The following ZNF670 variants were observed in gnomAD, a reference collection of about 807,000 sequenced individuals.
ZNF670 encodes zinc finger protein 670.
In ZNF670, 7 loss-of-function variants were observed where a neutral mutation model predicts 10.9. That is an observed-to-expected ratio of 0.64 (90% CI 0.36 to 1.20). ZNF670 has a LOEUF of 1.20. Ranked by LOEUF, ZNF670 falls within the 50% of genes most tolerant of loss-of-function variation. ZNF670 has a pLI of 0.02. For synonymous variants in ZNF670, 136 were observed against 152.7 expected (o/e 0.89, Z 0.81); for missense variants, 446 against 458.6 (o/e 0.97, Z 0.25).
rs150429543 is a variant in ZNF670, at chr1:247,078,744, G to T, written c.-148C>A. The T allele has an allele frequency of 9.3e-5, 78 of 838,236 alleles. No homozygotes were observed. The African/African-American group carries it at 1.3e-3, about 14-fold the overall frequency. 51.9% of individuals were successfully genotyped at this position (838,236 alleles called of 1,614,324 possible). ...GACGCACCGAGCTCGCCACATTCGC[G>T]CTGCCCAACACAAAAGCCGCGCCAG... On this transcript the variant is annotated 5_prime_UTR_variant, in exon 1 of 4. Transcript: ENST00000366503.
intron 1 of ZNF670, chr1:247,043,415 C>T (rs1670365667): frequency 2.6e-5 from 15 of 566,828 alleles, no homozygotes; most frequent in Non-Finnish European, 3.2e-5. Flanking sequence ...AAAAAATTCA[C>T]CCTTTTGTCA....
At chr1:247,071,748 A>G (rs1671120061) in intron 1 of ZNF670, among the ~76,000 whole-genome samples, 2 of 152,250 alleles carry the variant, frequency 1.3e-5, no homozygotes, top group South Asian at 4.1e-4. Flanking sequence ...TATTTTTTAA[A>G]TTTGAGTTAT....
intron 1 of ZNF670, among the ~76,000 whole-genome samples, chr1:247,072,853 T>TACAC (rs67112261): frequency 8.0e-5 from 8 of 100,004 alleles, no homozygotes; most frequent in African/African-American, 3.1e-4. Flanking sequence ...TACACACACA[T>TACAC]ACACACACAC....
chr1:247,073,937 A>C (rs1010471719), intron 1 of ZNF670, among the ~76,000 whole-genome samples: 4 of 152,246 alleles, frequency 2.6e-5, no homozygotes, highest in African/African-American at 7.2e-5. Flanking sequence ...GTATTATACA[A>C]GATGTGACTC....
In ZNF670 at chr1:247,073,230, T is replaced by C. The variant is rs74152905; in HGVS notation, c.3+5364A>G. Among the ~76,000 whole-genome samples the C allele has an allele frequency of 6.6e-3, 1,008 of 152,240 alleles. 15 individuals carry two copies. The highest frequency in any genetic ancestry group is 0.023 in the African/African-American group (935 of 41,554). On this transcript the variant is annotated intron_variant, in intron 1 of 3. Coordinates refer to ENST00000366503, the MANE Select transcript of ZNF670 (RefSeq NM_033213.5). The stretch of plus-strand genomic sequence containing the variant: ...CAACCAAGAAAATCAAAATCTCACA[T>C]TCAAATCATGGAATAAAATTCTTAA...
chr1:247,048,951 C>A (rs190329918), intron 1 of ZNF670, among the ~76,000 whole-genome samples: 1 of 152,212 alleles, frequency 6.6e-6, no homozygotes, highest in East Asian at 1.9e-4. Flanking sequence ...CTATTTATTT[C>A]TTATTTAATC....
intron 1 of ZNF670, among the ~76,000 whole-genome samples, chr1:247,064,982 T>C (rs1670948771): frequency 6.6e-6 from 1 of 152,082 alleles, no homozygotes; most frequent in African/African-American, 2.4e-5. Context: ...CTAATTTTTG[T>C]AGTTTTTGTA....
At chr1:247,052,027 T>C (rs538860382) in intron 1 of ZNF670, among the ~76,000 whole-genome samples, 1 of 152,016 alleles carries the variant, frequency 6.6e-6, no homozygotes, top group East Asian at 1.9e-4. Flanking sequence ...TAAAGTGGTT[T>C]CCACCTTTCT....
intron 1 of ZNF670, among the ~76,000 whole-genome samples, chr1:247,065,994 C>A (rs138120901): frequency 8.1e-4 from 124 of 152,268 alleles, no homozygotes; most frequent in African/African-American, 2.8e-3. Flanking sequence ...TGTAACAGCT[C>A]AAGTCCCATA....
chr1:247,038,590 A>T (rs181516697), intron 3 of ZNF670, among the ~76,000 whole-genome samples, 163 bp from the exon 4 acceptor site: 1 of 152,326 alleles, frequency 6.6e-6, no homozygotes, highest in African/African-American at 2.4e-5. Context: ...CATTATTATC[A>T]TAATTGTGAT....
chr1:247,076,941 G>A (rs1043944044), intron 1 of ZNF670, among the ~76,000 whole-genome samples: 3 of 152,258 alleles, frequency 2.0e-5, no homozygotes, highest in Non-Finnish European at 2.9e-5. Flanking sequence ...GATTACAGGC[G>A]TGGGCCACCA....
At chr1:247,039,628 T>C in intron 1 of ZNF670, 91 bp from the exon 2 acceptor site, 1 of 1,330,822 alleles carries the variant, frequency 7.5e-7, no homozygotes, top group Admixed American at 3.2e-5. Context: ...AACATAATTC[T>C]GCAGACTTCA....
chr1:247,051,011 A>C (rs1221298149), intron 1 of ZNF670, among the ~76,000 whole-genome samples: 3 of 151,186 alleles, frequency 2.0e-5, no homozygotes. Context: ...CTGTTTCATG[A>C]TTTAGAACTC....
intron 1 of ZNF670, among the ~76,000 whole-genome samples, chr1:247,047,552 T>C (rs1415415889): frequency 6.6e-6 from 1 of 151,398 alleles, no homozygotes; most frequent in Admixed American, 6.6e-5. Flanking sequence ...AAACCTCAAT[T>C]CTTAACTTGG....
In ZNF670 at chr1:247,064,323, T is replaced by C. The variant is rs181616980; in HGVS notation, c.3+14271A>G. Among the ~76,000 whole-genome samples, 925 of 152,320 alleles carry C rather than the reference T, an allele frequency of 6.1e-3. 32 individuals carry two copies. Among genetic ancestry groups the C allele is most frequent in the Admixed American group, 0.055 (836 of 15,304 alleles). On this transcript the variant is annotated intron_variant, in intron 1 of 3. Coordinates refer to ENST00000366503, the MANE Select transcript of ZNF670 (RefSeq NM_033213.5). ...CTCTTAAGACAAAGGCTCTGCTGAATTGTAGAATGCTACCTGCTCCTCTCT... is the reference window on the plus strand; with the variant it reads ...CTCTTAAGACAAAGGCTCTGCTGAACTGTAGAATGCTACCTGCTCCTCTCT...
At chr1:247,061,208 G>A (rs1189676402) in intron 1 of ZNF670, among the ~76,000 whole-genome samples, 5 of 148,658 alleles carry the variant, frequency 3.4e-5, no homozygotes, top group Admixed American at 3.3e-4. Flanking sequence ...TTGAGATGGA[G>A]TCTCGCTCTG....
At chr1:247,052,218 C>T (rs1249443408) in intron 1 of ZNF670, among the ~76,000 whole-genome samples, 1 of 152,082 alleles carries the variant, frequency 6.6e-6, no homozygotes, top group African/African-American at 2.4e-5. Flanking sequence ...TTTGGGTAGA[C>T]TATGTCAGAG....
At chr1:247,076,532 AGGCGT>A (rs1671258436) in intron 1 of ZNF670, among the ~76,000 whole-genome samples, 1 of 152,188 alleles carries the variant, frequency 6.6e-6, no homozygotes, top group African/African-American at 2.4e-5. Flanking sequence ...TTGGGATTAC[AGGCGT>A]GAGCCACCGC....
intron 1 of ZNF670, chr1:247,043,921 G>T: frequency 3.4e-6 from 1 of 297,474 alleles, no homozygotes; most frequent in Non-Finnish European, 6.5e-6. Flanking sequence ...AGAGATATAA[G>T]ACCAGTCTAG....
Sources: allele counts gnomAD v4.1 joint callset (sites outside exome capture counted in the v4.1 genomes callset), GRCh38; gene constraint gnomAD v4.1.1; transcripts MANE v1.5; gene names NCBI Gene and HGNC (gene_info 2026-07-23, HGNC 2026-07-21).